Variants in NFAT5 observed in about 807,000 individuals in gnomAD.
The protein encoded by NFAT5 is nuclear factor of activated T-cells 5.
In NFAT5, 31 loss-of-function variants were observed where a neutral mutation model predicts 166.5. The ratio of observed to expected loss-of-function variants is 0.19; its 90% CI spans 0.14 to 0.25. The LOEUF is 0.25. Among genes scored for constraint, NFAT5 ranks in the 10% least tolerant of loss-of-function variants. NFAT5 has a pLI of 1.00. For missense variants in NFAT5, 1,449 were observed against 1,821.8 expected, an observed-to-expected ratio of 0.80 and a Z score of 3.72; for synonymous variants, 612 against 639.7, an observed-to-expected ratio of 0.96 and a Z score of 0.65.
intron 11 of NFAT5, among the ~76,000 whole-genome samples, chr16:69,688,225 A>AAAAAAAAAAAAC (rs1567609428): frequency 2.1e-5 from 3 of 144,706 alleles, no homozygotes; most frequent in African/African-American, 8.1e-5. Flanking sequence ...AAAAAAAAAA[A>AAAAAAAAAAAAC]ACCAGGAGTT....
chr16:69,576,180 C>T (rs1335146893), intron 2 of NFAT5, among the ~76,000 whole-genome samples: 2 of 151,374 alleles, frequency 1.3e-5, no homozygotes, highest in Admixed American at 6.6e-5. Flanking sequence ...TGGGCGGGCA[C>T]CTGTAGTCCC....
At chr16:69,676,997 G>A in intron 9 of NFAT5, 1 of 493,222 alleles carries the variant, frequency 2.0e-6, no homozygotes, top group Non-Finnish European at 3.5e-6. Context: ...TCTTGACCTT[G>A]TAAGCCATTA....
At chr16:69,669,875 T>G (rs2036555001) in intron 7 of NFAT5, 102 bp from the exon 8 acceptor site, 2 of 1,007,718 alleles carry the variant, frequency 2.0e-6, no homozygotes, top group South Asian at 2.0e-5. Context: ...TTACTCCTCC[T>G]TCAATAAAGA....
chr16:69,686,182 C>T (rs1030451328), intron 11 of NFAT5: 2 of 151,762 alleles, frequency 1.3e-5, no homozygotes, highest in African/African-American at 2.4e-5. Flanking sequence ...AACCCCATCT[C>T]TACTAAAAAT....
chr16:69,632,659 C>T (rs2034771331), intron 3 of NFAT5: 1 of 152,140 alleles, frequency 6.6e-6, no homozygotes, highest in Non-Finnish European at 1.5e-5. Flanking sequence ...CTTGAGTTGA[C>T]TAAATTTGAG....
At chr16:69,691,638 G>T (rs1468963307) in intron 12 of NFAT5, 111 bp from the exon 13 acceptor site, 5 of 768,550 alleles carry the variant, frequency 6.5e-6, no homozygotes, top group Non-Finnish European at 1.0e-5. Flanking sequence ...ATAATATAGA[G>T]TGGAAAGCTG....
chr16:69,589,127 T>C (rs1360342514), intron 2 of NFAT5, among the ~76,000 whole-genome samples: 1 of 151,878 alleles, frequency 6.6e-6, no homozygotes, highest in East Asian at 1.9e-4. Context: ...CCCGAGTAGC[T>C]GGGATTACAG....
intron 9 of NFAT5, 130 bp from the exon 10 acceptor site, chr16:69,677,073 G>A: frequency 1.2e-6 from 1 of 855,704 alleles, no homozygotes; most frequent in Non-Finnish European, 1.7e-6. Flanking sequence ...GTGAACCTGA[G>A]CTTTAAAATG....
At chr16:69,674,387 A>G (rs997225205) in intron 9 of NFAT5, among the ~76,000 whole-genome samples, 10 of 152,112 alleles carry the variant, frequency 6.6e-5, no homozygotes, top group African/African-American at 2.4e-4. Context: ...TGATGGGTAC[A>G]TGATCATTCA....
intron 9 of NFAT5, 119 bp from the exon 10 acceptor site, chr16:69,677,084 C>A: frequency 2.1e-6 from 2 of 956,184 alleles, no homozygotes; most frequent in Non-Finnish European, 3.1e-6. Context: ...CTTTAAAATG[C>A]ATTCTTTTTT....
chr16:69,578,756 A>G (rs568343882), intron 2 of NFAT5, among the ~76,000 whole-genome samples: 1 of 152,372 alleles, frequency 6.6e-6, no homozygotes, highest in African/African-American at 2.4e-5. Context: ...AAAAAATACT[A>G]TGGTAAAATG....
chr16:69,703,898 C>G lies in NFAT5; in HGVS notation c.*7547C>G, dbSNP rs1220954664. ...CCCTGCTTGCTTACTCATATTCTCC[C>G]TCCCTCTCCCCTTCCTTTCTCTCTC... On this transcript the variant is annotated 3_prime_UTR_variant, in exon 15 of 15. Coordinates refer to ENST00000349945, the MANE Select transcript of NFAT5 (RefSeq NM_138713.4). 6.6e-6 allele frequency: 1 copy of G among 152,560 alleles called. No individual in the cohort carries two copies. The highest frequency in any genetic ancestry group is 1.5e-5 in the Non-Finnish European group (1 of 68,048). The allele number at this position is 152,560 out of a possible 1,614,324, so 9.5% of individuals were successfully genotyped here. A position where few individuals can be genotyped will look rare whatever the true frequency, so the allele number is the denominator to read the frequency against.
chr16:69,622,666 T>C (rs2034251414), intron 2 of NFAT5, among the ~76,000 whole-genome samples: 1 of 152,174 alleles, frequency 6.6e-6, no homozygotes, highest in Non-Finnish European at 1.5e-5. Flanking sequence ...TAATTTATTT[T>C]AATAATTGGA....
intron 2 of NFAT5, among the ~76,000 whole-genome samples, chr16:69,606,518 C>T (rs2033418136): frequency 6.6e-6 from 1 of 151,902 alleles, no homozygotes; most frequent in Non-Finnish European, 1.5e-5. Flanking sequence ...CAGAACACTT[C>T]TGCAGTCCAA....
In NFAT5 at chr16:69,698,889, C is replaced by G. The variant is rs751032092; in HGVS notation, c.*2538C>G. ...AATATCCAGAGCTACTTTATAAATT[C>G]TCTGAACCAAAAGTATTTTCCTCAG... is the stretch of plus-strand genomic sequence containing the variant. On this transcript the variant is annotated 3_prime_UTR_variant, in exon 15 of 15. Transcript: ENST00000349945. 6 of 152,546 alleles carry G rather than the reference C, an allele frequency of 3.9e-5. No individual in the cohort carries two copies. The highest frequency in any genetic ancestry group is 8.8e-5 in the Non-Finnish European group (6 of 68,026). The allele number at this position is 152,546 out of a possible 1,614,324, so 9.4% of individuals were successfully genotyped here.
At chr16:69,660,425 C>G (rs1348011027) in intron 7 of NFAT5, among the ~76,000 whole-genome samples, 2 of 151,668 alleles carry the variant, frequency 1.3e-5, no homozygotes, top group Non-Finnish European at 2.9e-5. Flanking sequence ...CTGCGACTGT[C>G]TCAAAAAAAA....
intron 2 of NFAT5, among the ~76,000 whole-genome samples, chr16:69,612,907 T>TA (rs2033769874): frequency 6.6e-6 from 1 of 150,438 alleles, no homozygotes; most frequent in South Asian, 2.1e-4. Context: ...AGATTTGATA[T>TA]AAAAAACAAA....
intron 2 of NFAT5, among the ~76,000 whole-genome samples, chr16:69,607,458 G>A (rs1256872652): frequency 1.3e-5 from 2 of 152,190 alleles, no homozygotes; most frequent in African/African-American, 4.8e-5. Flanking sequence ...AGTCATGATT[G>A]TGAGTTTCTG....
At chr16:69,601,717 G>A (rs1449832591) in intron 2 of NFAT5, among the ~76,000 whole-genome samples, 5 of 152,078 alleles carry the variant, frequency 3.3e-5, no homozygotes, top group African/African-American at 4.8e-5. Context: ...CCAATCCTTT[G>A]GTGATGGACT....
Sources: allele counts gnomAD v4.1 joint callset (sites outside exome capture counted in the v4.1 genomes callset), GRCh38; gene constraint gnomAD v4.1.1; transcripts MANE v1.5; gene names NCBI Gene and HGNC (gene_info 2026-07-23, HGNC 2026-07-21).